Variants in PLAAT1 observed in about 807,000 individuals in gnomAD.
The protein encoded by PLAAT1 is H-REV107 protein-related protein.
Under a neutral mutation model 16.4 loss-of-function variants are expected in PLAAT1, and 13 were observed. That is an observed-to-expected ratio of 0.79 (90% CI 0.52 to 1.26). PLAAT1 has a LOEUF of 1.26. PLAAT1 is among the 50% of genes most tolerant of loss of function. The pLI, the probability that PLAAT1 is intolerant of heterozygous loss-of-function variation, is 0.00. For missense variants in PLAAT1, 218 were observed against 207.8 expected, an observed-to-expected ratio of 1.05 and a Z score of -0.30; for synonymous variants, 73 against 78.4, an observed-to-expected ratio of 0.93 and a Z score of 0.36.
intron 1 of PLAAT1, among the ~76,000 whole-genome samples, chr3:193,242,163 A>AT (rs369775205): frequency 1.5e-3 from 214 of 140,178 alleles, no homozygotes; most frequent in African/African-American, 5.6e-3. Flanking sequence ...GAGTTAGTGT[A>AT]TTTTATGTGT....
chr3:193,272,693 C>G (rs1717023701), downstream of PLAAT1, among the ~76,000 whole-genome samples: 1 of 152,130 alleles, frequency 6.6e-6, no homozygotes, highest in Non-Finnish European at 1.5e-5. Context: ...CTGGATGTCT[C>G]CACTCCAGAA....
chr3:193,250,841 C>G (rs1338847134), intron 1 of PLAAT1, among the ~76,000 whole-genome samples: 2 of 152,058 alleles, frequency 1.3e-5, no homozygotes, highest in Non-Finnish European at 1.5e-5. Flanking sequence ...CCTATCCCCC[C>G]CACCCCCGCA....
chr3:193,266,408 G>T (rs1053271356), intron 3 of PLAAT1, among the ~76,000 whole-genome samples: 8 of 152,118 alleles, frequency 5.3e-5, no homozygotes, highest in Admixed American at 2.6e-4. Context: ...ACTATAACTT[G>T]CAATCTATCA....
intron 1 of PLAAT1, among the ~76,000 whole-genome samples, chr3:193,241,906 A>G (rs962808737): frequency 2.0e-5 from 3 of 152,140 alleles, no homozygotes; most frequent in Non-Finnish European, 4.4e-5. Flanking sequence ...AAAGTCACTC[A>G]TGTTTTCTCT....
Position 193,255,705 on chromosome 3 carries a change from G to T in PLAAT1, c.55G>T (p.Asp19Tyr), listed in dbSNP as rs775703911. Residue 19 changes from aspartate (D) to tyrosine (Y), a missense_variant, in exon 2 of 4, where the codon GAC becomes TAC. By Grantham distance (160) the Asp-to-Tyr change is radical (BLOSUM62 -3). Transcript: ENST00000264735. ...LNYPGNPCPGDLIEVFRPGYQ... is the reference protein window; with the variant it reads ...LNYPGNPCPGYLIEVFRPGYQ... ...CTACCCTGGCAACCCCTGCCCAGGGGACTTGATCGAAGTGTTCCGTCCTGG... is the reference window on the plus strand; with the variant it reads ...CTACCCTGGCAACCCCTGCCCAGGGTACTTGATCGAAGTGTTCCGTCCTGG... 29 of 1,613,058 alleles carry T rather than the reference G, an allele frequency of 1.8e-5. No individual in the cohort carries two copies. Among genetic ancestry groups the T allele is most frequent in the Non-Finnish European group, 2.5e-6 (3 of 1,179,408 alleles).
chr3:193,263,262 A>C, intron 3 of PLAAT1, 27 bp downstream of exon 3: 1 of 1,601,478 alleles, frequency 6.2e-7, no homozygotes, highest in Non-Finnish European at 8.5e-7. Context: ...AGATATTCTT[A>C]CATTGAGAAA....
At chr3:193,262,903 T>C (rs1421199563) in intron 2 of PLAAT1, 67 bp from the exon 3 acceptor site, 1 of 1,515,654 alleles carries the variant, frequency 6.6e-7, no homozygotes, top group African/African-American at 1.4e-5. Flanking sequence ...TTCCAAAGTC[T>C]TTAGATGGCA....
chr3:193,251,367 G>GCTCC (rs902968646), intron 1 of PLAAT1, among the ~76,000 whole-genome samples: 5 of 152,034 alleles, frequency 3.3e-5, no homozygotes, highest in African/African-American at 1.2e-4. Context: ...TGCTATATAG[G>GCTCC]CTCCCAGATA....
chr3:193,241,024 G>A (rs1385965535), upstream of PLAAT1: 3 of 395,220 alleles, frequency 7.6e-6, no homozygotes, highest in Non-Finnish European at 1.3e-5. Context: ...CGGAATAACT[G>A]GTTGCGCGGC....
At chr3:193,248,603 A>G (rs1176802362) in intron 1 of PLAAT1, among the ~76,000 whole-genome samples, 1 of 152,000 alleles carries the variant, frequency 6.6e-6, no homozygotes, top group East Asian at 1.9e-4. Flanking sequence ...CTTTGTGGTT[A>G]CTAGGAGGCT....
At chr3:193,242,866 G>T in intron 1 of PLAAT1, among the ~76,000 whole-genome samples, 1 of 152,178 alleles carries the variant, frequency 6.6e-6, no homozygotes, top group Non-Finnish European at 1.5e-5. Context: ...GAAGCCTTGG[G>T]CCAGGGGTAG....
chr3:193,281,253 A>G, downstream of PLAAT1: 1 of 978,656 alleles, frequency 1.0e-6, no homozygotes, highest in Non-Finnish European at 1.2e-6. Flanking sequence ...GTCTGTTCTG[A>G]TGAAGTCCTA....
Position 193,249,970 on chromosome 3 carries a change from A to T in PLAAT1, c.1-5681A>T, listed in dbSNP as rs185185901. Reference sequence around the variant, plus strand: ...CCTGTCAGATAAATCACATATTTACATTTCATTAGAGTCACTTTCTGGAGA... The same window carrying T: ...CCTGTCAGATAAATCACATATTTACTTTTCATTAGAGTCACTTTCTGGAGA... On this transcript the variant is annotated intron_variant, in intron 1 of 3. Coordinates refer to ENST00000264735, the MANE Select transcript of PLAAT1 (RefSeq NM_020386.5). 7.2e-5 allele frequency among the ~76,000 whole-genome samples: 11 copies of T among 152,156 alleles called. No individual in the cohort carries two copies. In the East Asian group the frequency reaches 2.1e-3, roughly 29 times the overall value.
downstream of PLAAT1, chr3:193,279,232 C>G: frequency 6.1e-6 from 4 of 659,714 alleles, no homozygotes; most frequent in Admixed American, 2.9e-5. Context: ...CTTATTTGCC[C>G]TTCTAGTATA....
At chr3:193,270,887 T>C, downstream of PLAAT1, 2 of 1,278,708 alleles carry the variant, frequency 1.6e-6, no homozygotes, top group Non-Finnish European at 2.0e-6. Flanking sequence ...TTTCCCCTGC[T>C]AGCATAGATG....
chr3:193,260,879 A>G (rs1716560359), intron 2 of PLAAT1, among the ~76,000 whole-genome samples: 1 of 152,206 alleles, frequency 6.6e-6, no homozygotes, highest in African/African-American at 2.4e-5. Flanking sequence ...TTATTCTACC[A>G]AGAAGACACA....
chr3:193,276,222 C>G (rs1717192863), intron 2 of PLAAT1, among the ~76,000 whole-genome samples: 1 of 152,148 alleles, frequency 6.6e-6, no homozygotes, highest in African/African-American at 2.4e-5. Flanking sequence ...CAAAAAAGAA[C>G]TCTCCTTTTA....
At chr3:193,265,959 A>G (rs1716763885) in intron 3 of PLAAT1, among the ~76,000 whole-genome samples, 1 of 152,110 alleles carries the variant, frequency 6.6e-6, no homozygotes, top group Admixed American at 6.5e-5. Flanking sequence ...TACTTATTTT[A>G]TTTTTGGAAA....
intron 2 of PLAAT1, among the ~76,000 whole-genome samples, chr3:193,258,579 C>G (rs1048770711): frequency 6.6e-6 from 1 of 151,914 alleles, no homozygotes; most frequent in African/African-American, 2.4e-5. Context: ...TATAACCAGT[C>G]CTACAGAAAT....
Sources: allele counts gnomAD v4.1 joint callset (sites outside exome capture counted in the v4.1 genomes callset), GRCh38; gene constraint gnomAD v4.1.1; transcripts MANE v1.5; gene names NCBI Gene and HGNC (gene_info 2026-07-23, HGNC 2026-07-21).